ZC3H18: variants seen among roughly 807,000 people sequenced by gnomAD.
The protein encoded by ZC3H18 is zinc finger CCCH domain-containing protein 18.
ZC3H18 carries 8 observed loss-of-function variants against 106.1 expected under a neutral mutation model. That is an observed-to-expected ratio of 0.08 (90% confidence interval 0.04 to 0.14). The LOEUF is 0.14. ZC3H18 is among the 10% of genes least tolerant of loss of function. ZC3H18 has a pLI of 1.00. For missense variants in ZC3H18, 1,318 were observed against 1,278.4 expected (o/e 1.03, Z -0.47); for synonymous variants, 635 against 522.1 (o/e 1.22, Z -2.95).
At chr16:88,623,396 C>A (rs1396611208) in intron 10 of ZC3H18, 52 bp downstream of exon 10, 6 of 1,596,734 alleles carry the variant, frequency 3.8e-6, no homozygotes, top group Non-Finnish European at 5.1e-6. Context: ...TGAGCAAGGG[C>A]ACCTGCGGAT....
At chr16:88,623,183 C>G in intron 9 of ZC3H18, 36 bp from the exon 10 acceptor site, 2 of 1,603,526 alleles carry the variant, frequency 1.2e-6, no homozygotes, top group East Asian at 2.2e-5. Context: ...GAGGGCCCTT[C>G]TCACTTCTCG....
At chr16:88,592,719 C>T (rs1046561119) in intron 3 of ZC3H18, among the ~76,000 whole-genome samples, 6 of 152,168 alleles carry the variant, frequency 3.9e-5, no homozygotes, top group South Asian at 2.1e-4. Context: ...TCAAATGATC[C>T]GACCGCCTTG....
intron 2 of ZC3H18, among the ~76,000 whole-genome samples, chr16:88,583,397 G>A (rs1915252461): frequency 6.6e-6 from 1 of 152,216 alleles, no homozygotes; most frequent in African/African-American, 2.4e-5. Context: ...TTTTAAGCAC[G>A]GTGCAGCATT....
rs138314742 is a variant in ZC3H18 at position 88,620,772 on chromosome 16, G to A, written c.1476-1425G>A. On this transcript the variant is annotated intron_variant, in intron 8 of 17. Transcript: ENST00000301011. Reference sequence around the variant, plus strand: ...AACCTGTAAAATGTGTATCTCCTTTGACCCATTAATTCCATTGCTCAGGAG... The same window carrying A: ...AACCTGTAAAATGTGTATCTCCTTTAACCCATTAATTCCATTGCTCAGGAG... Among the ~76,000 whole-genome samples the A allele has an allele frequency of 5.0e-3, 767 of 152,044 alleles. 6 individuals are homozygous for A. Among genetic ancestry groups the A allele is most frequent in the African/African-American group, 0.017 (722 of 41,472 alleles).
Position 88,624,556 on chromosome 16 carries a change from G to T in ZC3H18, c.1899-46G>T, listed in dbSNP as rs774161760. 3.1e-6 allele frequency: 5 copies of T among 1,612,020 alleles called. No individual in the cohort carries two copies. In the South Asian group the frequency reaches 4.4e-5, roughly 14 times the overall value. ...TTGAAAGGGGATGTAGGCCAGCGGG[G>T]CCCCGTCCACCAGCCCTGCCCTGCT... On this transcript the variant is annotated intron_variant, in intron 11 of 17. Transcript: ENST00000301011.
Position 88,627,981 on chromosome 16 carries a change from A to G in ZC3H18, c.2331A>G (p.Gln777=). Reference sequence around the variant, plus strand: ...AGCGGAAAAGGGATTCGTCCACACAACCACCCAAATCTGCAAAACCTCCAG... The same window carrying G: ...AGCGGAAAAGGGATTCGTCCACACAGCCACCCAAATCTGCAAAACCTCCAG... The part of the protein sequence containing the change: ...EEKRKRDSST[Q]PPKSAKPPAG... The change falls in exon 15 of 18, where the codon CAA becomes CAG. Residue 777 remains glutamine, a synonymous_variant. Coordinates refer to ENST00000301011, the MANE Select transcript of ZC3H18 (RefSeq NM_144604.4). The surrounding 1 kb of genome is among the most constrained non-coding windows in gnomAD (Gnocchi z 4.5). 1 of 1,614,132 alleles carries G rather than the reference A, an allele frequency of 6.2e-7. No individual in the cohort carries two copies. Among genetic ancestry groups the G allele is most frequent in the South Asian group, 1.1e-5 (1 of 91,086 alleles).
At chr16:88,624,800 T>C in intron 12 of ZC3H18, 55 bp downstream of exon 12, 1 of 1,543,566 alleles carries the variant, frequency 6.5e-7, no homozygotes, top group African/African-American at 1.4e-5. Context: ...GGTGCCACTG[T>C]GATGCTGGCA....
Position 88,630,629 on chromosome 16 carries a change from C to G in ZC3H18, c.2663+48C>G, listed in dbSNP as rs1327416882. 3 of 1,515,668 alleles carry G rather than the reference C, an allele frequency of 2.0e-6. 1 individual carries two copies. The highest frequency in any genetic ancestry group is 2.4e-5 in the South Asian group (2 of 84,606). The allele number at this position is 1,515,668 out of a possible 1,614,324, so 93.9% of individuals were successfully genotyped here. ...CCTGGGCACACCGAGGGGGCCAGCCCCAGTCGCTTCCCCAGGGAGGCCAGC... is the reference window on the plus strand; with the variant it reads ...CCTGGGCACACCGAGGGGGCCAGCCGCAGTCGCTTCCCCAGGGAGGCCAGC... On this transcript the variant is annotated intron_variant, in intron 17 of 17. Transcript: ENST00000301011.
chr16:88,623,007 C>T (rs997708823), intron 9 of ZC3H18: 32 of 660,978 alleles, frequency 4.8e-5, no homozygotes, highest in African/African-American at 4.8e-4. Context: ...TTCTAAATGC[C>T]GTTCTGCACC....
At chr16:88,596,508 T>C (rs1472660986) in intron 3 of ZC3H18, among the ~76,000 whole-genome samples, 1 of 151,868 alleles carries the variant, frequency 6.6e-6, no homozygotes, top group Non-Finnish European at 1.5e-5. Flanking sequence ...GGCATGGTGG[T>C]ACCCGCCTGT....
At chr16:88,616,434 G>A (rs942856679) in intron 8 of ZC3H18, among the ~76,000 whole-genome samples, 1 of 152,212 alleles carries the variant, frequency 6.6e-6, no homozygotes, top group Admixed American at 6.5e-5. Flanking sequence ...GACGTTCTCT[G>A]CGTCGCTTGC....
intron 8 of ZC3H18, among the ~76,000 whole-genome samples, chr16:88,617,290 CT>C (rs1905675653): frequency 6.8e-6 from 1 of 147,984 alleles, no homozygotes; most frequent in African/African-American, 2.5e-5. Context: ...CAGCTCCCCC[CT>C]GGACCTGCGG....
chr16:88,593,452 C>T (rs1470425458), intron 3 of ZC3H18, among the ~76,000 whole-genome samples: 1 of 152,208 alleles, frequency 6.6e-6, no homozygotes. Context: ...CACAGAACAT[C>T]ATTTAAAACT....
intron 8 of ZC3H18, among the ~76,000 whole-genome samples, chr16:88,619,374 C>A (rs1020139781): frequency 1.3e-5 from 2 of 152,256 alleles, no homozygotes; most frequent in African/African-American, 4.8e-5. Context: ...GATAGGACCT[C>A]CTTGCTCCAT....
In ZC3H18 at chr16:88,619,335, G is replaced by A. The variant is rs558512002; in HGVS notation, c.1476-2862G>A. Among the ~76,000 whole-genome samples the A allele has an allele frequency of 4.6e-5, 7 of 152,318 alleles. No homozygotes were observed. In the South Asian group the frequency reaches 1.0e-3, roughly 23 times the overall value. On this transcript the variant is annotated intron_variant, in intron 8 of 17. Transcript: ENST00000301011. ...TCCTGGTTAAAATCAGTACCACCAC[G>A]TCCCACACGTGGTAACATGGACTTG...
chr16:88,613,459 G>A (rs548496571), intron 8 of ZC3H18, among the ~76,000 whole-genome samples: 5 of 152,222 alleles, frequency 3.3e-5, no homozygotes, highest in East Asian at 1.9e-4. Context: ...TTACATTCCC[G>A]CTAGCCGCAT....
chr16:88,630,765 CA>C (rs377428507), intron 17 of ZC3H18, among the ~76,000 whole-genome samples, 184 bp downstream of exon 17: 7,534 of 101,426 alleles, frequency 0.074, 653 homozygotes, highest in African/African-American at 0.088. Context: ...CACCCCCCCC[CA>C]CACACACACA....
chr16:88,614,357 C>G (rs1304077514), intron 8 of ZC3H18, among the ~76,000 whole-genome samples: 1 of 152,246 alleles, frequency 6.6e-6, no homozygotes, highest in African/African-American at 2.4e-5. Context: ...AGCCCCTTGT[C>G]CTCCTCATCT....
chr16:88,597,514 C>G (rs1408360946), intron 3 of ZC3H18, among the ~76,000 whole-genome samples: 2 of 152,196 alleles, frequency 1.3e-5, no homozygotes, highest in Non-Finnish European at 2.9e-5. Flanking sequence ...AAGTGATTCA[C>G]TCAGTAATTG....
Sources: gnomAD v4.1 joint callset for allele counts (sites outside exome capture counted in the v4.1 genomes callset) on GRCh38, gnomAD v4.1.1 for gene constraint, Gnocchi (gnomAD v3.1) non-coding constraint, MANE v1.5 for transcripts, NCBI Gene and HGNC (gene_info 2026-07-23, HGNC 2026-07-21) for gene names.